The following ARFGEF2 variants were observed in gnomAD, a reference collection of about 807,000 sequenced individuals.
The protein encoded by ARFGEF2 is ARF guanine nucleotide exchange factor 2, also known as brefeldin A-inhibited guanine nucleotide-exchange protein 2.
ARFGEF2 carries 74 observed loss-of-function variants against 219.9 expected under a neutral mutation model. That is an observed-to-expected ratio of 0.34 (90% CI 0.28 to 0.41). The LOEUF (loss-of-function observed/expected upper bound fraction) is 0.41, where lower values mean the gene tolerates loss of function less well. Among genes scored for constraint, ARFGEF2 ranks in the 10% least tolerant of loss-of-function variants. The pLI, the probability that ARFGEF2 is intolerant of heterozygous loss-of-function variation, is 1.00. For missense variants in ARFGEF2, 1,743 were observed against 2,218.3 expected, an observed-to-expected ratio of 0.79 and a Z score of 4.30; for synonymous variants, 733 against 799.2, an observed-to-expected ratio of 0.92 and a Z score of 1.40.
At chr20:49,015,619 C>T (rs1419585647) in intron 30 of ARFGEF2, among the ~76,000 whole-genome samples, 1 of 152,156 alleles carries the variant, frequency 6.6e-6, no homozygotes, top group Non-Finnish European at 1.5e-5. Context: ...TATTACTAAG[C>T]CTTTTGATAC....
chr20:49,004,146 A>G (rs1373465007), intron 25 of ARFGEF2, among the ~76,000 whole-genome samples: 1 of 152,086 alleles, frequency 6.6e-6, no homozygotes, highest in African/African-American at 2.4e-5. Flanking sequence ...TGATCACTTG[A>G]GTTCAGGAGT....
chr20:49,017,146 C>T, intron 31 of ARFGEF2, 103 bp from the exon 32 acceptor site: 1 of 1,186,682 alleles, frequency 8.4e-7, no homozygotes, highest in Non-Finnish European at 1.2e-6. Context: ...AGCCTAGAAA[C>T]TCACCAGTTG....
At chr20:48,962,458 T>C (rs2091159540) in intron 6 of ARFGEF2, among the ~76,000 whole-genome samples, 2 of 152,268 alleles carry the variant, frequency 1.3e-5, no homozygotes, top group East Asian at 1.9e-4. Flanking sequence ...AACGTTGTTA[T>C]GTGGTGCATA....
At chr20:49,024,906 G>A (rs1209066777) in intron 35 of ARFGEF2, among the ~76,000 whole-genome samples, 1 of 152,182 alleles carries the variant, frequency 6.6e-6, no homozygotes. Context: ...TGAGGCAGGA[G>A]AATCACTTGA....
chr20:48,995,535 G>A (rs113175024), intron 22 of ARFGEF2, among the ~76,000 whole-genome samples: 2 of 152,268 alleles, frequency 1.3e-5, no homozygotes, highest in African/African-American at 4.8e-5. Flanking sequence ...CTATAAAAAT[G>A]TAAAAGATTA....
At chr20:48,994,959 T>C (rs1006429123) in intron 22 of ARFGEF2, among the ~76,000 whole-genome samples, 5 of 152,180 alleles carry the variant, frequency 3.3e-5, no homozygotes, top group Non-Finnish European at 5.9e-5. Context: ...TCCATCTTTA[T>C]TGGGGGGCTT....
At chr20:48,953,428 A>C (rs565862389) in intron 5 of ARFGEF2, 128 bp from the exon 6 acceptor site, 28 of 853,226 alleles carry the variant, frequency 3.3e-5, no homozygotes, top group Admixed American at 2.8e-4. Flanking sequence ...CTGCTGCCTC[A>C]GCCTTCCAAA....
At chr20:48,986,224 C>T (rs1419287100) in intron 16 of ARFGEF2, among the ~76,000 whole-genome samples, 1 of 152,132 alleles carries the variant, frequency 6.6e-6, no homozygotes, top group Admixed American at 6.5e-5. Flanking sequence ...AATAGTATCC[C>T]TGTTTTACAG....
intron 26 of ARFGEF2, among the ~76,000 whole-genome samples, chr20:49,007,817 C>A (rs2091472246): frequency 6.6e-6 from 1 of 152,062 alleles, no homozygotes; most frequent in Admixed American, 6.6e-5. Context: ...AAAGTATTTT[C>A]CTACCTTTAG....
intron 28 of ARFGEF2, among the ~76,000 whole-genome samples, chr20:49,012,409 T>G (rs1242887533): frequency 6.6e-6 from 1 of 152,232 alleles, no homozygotes; most frequent in African/African-American, 2.4e-5. Flanking sequence ...AAACCTCCCT[T>G]GTAGGAAATG....
rs372159915 is a variant in ARFGEF2 at position 48,963,946 on chromosome 20, A to G, written c.907+48A>G. ...CCTTTCCTCTTCCCTCATTCCTCCAAAAAGTCCTCAGCAAAATATTTTAGT... is the reference window on the plus strand; with the variant it reads ...CCTTTCCTCTTCCCTCATTCCTCCAGAAAGTCCTCAGCAAAATATTTTAGT... On this transcript the variant is annotated intron_variant, in intron 7 of 38. Coordinates refer to ENST00000371917, the MANE Select transcript of ARFGEF2 (RefSeq NM_006420.3). The G allele has an allele frequency of 6.2e-5, 97 of 1,576,306 alleles. No homozygotes were observed. The African/African-American group carries it at 1.2e-3, about 20-fold the overall frequency.
rs1185906357 is a variant in ARFGEF2, at chr20:49,033,223, G to A, written c.*24G>A. 33 of 1,613,294 alleles carry A rather than the reference G, an allele frequency of 2.0e-5. No homozygotes were observed. The highest frequency in any genetic ancestry group is 2.6e-5 in the Non-Finnish European group (31 of 1,179,500). ...AGCCCTGGCTGCCCAGGCCAGTGCT[G>A]CAGCTCTGCAGAATGTTCAGCATGC... On this transcript the variant is annotated 3_prime_UTR_variant, in exon 39 of 39. Transcript: ENST00000371917.
chr20:49,020,606 C>T (rs3092801), intron 34 of ARFGEF2, among the ~76,000 whole-genome samples: 37,405 of 152,024 alleles, frequency 0.25, 5,272 homozygotes, highest in East Asian at 0.47. Context: ...CCACCACATT[C>T]GGCTAATTAT....
chr20:48,934,795 A>T (rs2090936359), intron 1 of ARFGEF2, among the ~76,000 whole-genome samples: 1 of 152,200 alleles, frequency 6.6e-6, no homozygotes, highest in Non-Finnish European at 1.5e-5. Flanking sequence ...TGCTATTGTG[A>T]ATAGTGCTGC....
At chr20:48,926,357 T>C (rs966956968) in intron 1 of ARFGEF2, among the ~76,000 whole-genome samples, 4 of 152,214 alleles carry the variant, frequency 2.6e-5, no homozygotes, top group African/African-American at 7.2e-5. Context: ...AGGTTTTTAC[T>C]ACATATATAC....
chr20:49,030,885 G>C (rs191471094), intron 37 of ARFGEF2, among the ~76,000 whole-genome samples: 1 of 152,082 alleles, frequency 6.6e-6, no homozygotes, highest in Non-Finnish European at 1.5e-5. Flanking sequence ...CCAGCTACTC[G>C]GGAGGCTGAG....
chr20:48,958,869 G>C (rs2091121786), intron 6 of ARFGEF2, among the ~76,000 whole-genome samples: 1 of 152,192 alleles, frequency 6.6e-6, no homozygotes, highest in African/African-American at 2.4e-5. Context: ...CCTCGCATTT[G>C]GCCCCAAGGG....
intron 1 of ARFGEF2, among the ~76,000 whole-genome samples, chr20:48,931,609 C>T (rs1004111052): frequency 9.9e-5 from 15 of 150,886 alleles, no homozygotes; most frequent in African/African-American, 2.7e-4. Context: ...GAGGAAGTCC[C>T]CTGAGGAGGA....
At chr20:48,971,031 A>C (rs531932547) in intron 9 of ARFGEF2, 89 bp from the exon 10 acceptor site, 248 of 1,063,524 alleles carry the variant, frequency 2.3e-4, no homozygotes, top group Non-Finnish European at 3.4e-4. Context: ...AATTCTACTC[A>C]TTGGTAAAGG....
Sources: gnomAD v4.1 joint callset for allele counts (sites outside exome capture counted in the v4.1 genomes callset) on GRCh38, gnomAD v4.1.1 for gene constraint, MANE v1.5 for transcripts, NCBI Gene and HGNC (gene_info 2026-07-23, HGNC 2026-07-21) for gene names.